Variants in VIPAS39 observed in about 807,000 individuals in gnomAD.
VIPAS39 encodes the protein spermatogenesis-defective protein 39 homolog.
Under a neutral mutation model 84.7 loss-of-function variants are expected in VIPAS39, and 63 were observed. The observed-to-expected ratio is 0.74, with a 90% CI of 0.61 to 0.92. The LOEUF is 0.92. VIPAS39 is among the 40% of genes least tolerant of loss of function. The probability of loss-of-function intolerance (pLI) is 0.00; values close to 1 mark genes in which losing one functional copy is unlikely to be tolerated. For synonymous variants in VIPAS39, 192 were observed against 216.5 expected (o/e 0.89, Z 0.99); for missense variants, 499 against 604.5 (o/e 0.83, Z 1.83).
At chr14:77,453,152 G>A in intron 3 of VIPAS39, 147 bp downstream of exon 3, 1 of 868,586 alleles carries the variant, frequency 1.2e-6, no homozygotes, top group South Asian at 1.3e-5. Context: ...TCTTCTCCTG[G>A]AGTTAAGTTT....
At chr14:77,439,836 A>G (rs1464823123) in intron 11 of VIPAS39, among the ~76,000 whole-genome samples, 1 of 152,212 alleles carries the variant, frequency 6.6e-6, no homozygotes, top group African/African-American at 2.4e-5. Flanking sequence ...AAAGGTTAAC[A>G]ATATTTAATG....
Position 77,427,653 on chromosome 14 carries a change from C to T in VIPAS39, c.1462-17G>A. ...TCGAATTTGCTGTGGAAAGAGGAAA[C>T]AATGAAAGTGTGTGATCAGTTTTCA... On this transcript the variant is annotated splice_polypyrimidine_tract_variant and intron_variant, in intron 19 of 19. Coordinates refer to ENST00000557658, the MANE Select transcript of VIPAS39 (RefSeq NM_001193315.2). The T allele has an allele frequency of 1.2e-6, 2 of 1,614,106 alleles. No individual in the cohort carries two copies. The highest frequency in any genetic ancestry group is 1.3e-5 in the African/African-American group (1 of 75,006).
chr14:77,427,618 A>G lies in VIPAS39; in HGVS notation c.1480T>C (p.Ter494GlnextTer52). 6.2e-7 allele frequency: 1 copy of G among 1,614,206 alleles called. No homozygotes were observed. The highest frequency in any genetic ancestry group is 1.6e-4 in the Middle Eastern group (1 of 6,062). Residue 494 changes from the stop codon to glutamine, a stop_lost, in exon 20 of 20, where the codon TAA (stop) becomes CAA (glutamine). Transcript: ENST00000557658. ...GGCTTCAAGGTAGTCAATGCCACTT[A>G]ATTCTTCCATCGAATTTGCTGTGGA... ...LSSSQIRWKN[*>Q]
At chr14:77,445,003 G>A (rs1285074319) in intron 7 of VIPAS39, among the ~76,000 whole-genome samples, 1 of 150,684 alleles carries the variant, frequency 6.6e-6, no homozygotes, top group Non-Finnish European at 1.5e-5. Context: ...CTGTCGCCCA[G>A]GTTGGAGTGC....
At chr14:77,451,060 G>T in intron 4 of VIPAS39, 127 bp downstream of exon 4, 1 of 1,397,154 alleles carries the variant, frequency 7.2e-7, no homozygotes, top group Non-Finnish European at 1.0e-6. Flanking sequence ...ACACCCAGCT[G>T]CCACCTCCAA....
rs1278402419 is a variant in VIPAS39 at position 77,429,030 on chromosome 14, G to A, written c.1332C>T (p.Phe444=). The change falls in exon 18 of 20, where the codon TTC becomes TTT. Residue 444 remains phenylalanine, a synonymous_variant. Transcript: ENST00000557658. ...CATCAATGACGACATCATGGCACTT[G>A]AACTTAGTGGCTAAGTTCAACTTCG... ...VDTKLNLATK[F]KCHDVVIDTY... 6.2e-7 allele frequency: 1 copy of A among 1,613,882 alleles called. No homozygotes were observed. The highest frequency in any genetic ancestry group is 1.1e-5 in the South Asian group (1 of 91,040).
At chr14:77,427,724 A>G (rs2078452187) in intron 19 of VIPAS39, 88 bp from the exon 20 acceptor site, 4 of 1,544,058 alleles carry the variant, frequency 2.6e-6, no homozygotes, top group South Asian at 1.1e-5. Flanking sequence ...AACAAGGCTC[A>G]GCTAGATAAT....
intron 14 of VIPAS39, 76 bp from the exon 15 acceptor site, chr14:77,434,379 C>T: frequency 7.4e-7 from 1 of 1,359,436 alleles, no homozygotes; most frequent in Middle Eastern, 1.8e-4. Context: ...TTTTCTTTCC[C>T]ACTACAGAGA....
At position 77,457,530 on chromosome 14, in the gene VIPAS39, C is replaced by A. The variant is rs891032694; in HGVS notation, c.-36G>T. ...CAGAGCCCTCCCTCTCAGGACAGCG[C>A]CAGCCTCCGCCGCCGCTGGACCAGC... is the stretch of plus-strand genomic sequence containing the variant. On this transcript the variant is annotated 5_prime_UTR_variant, in exon 1 of 20. Coordinates refer to ENST00000557658, the MANE Select transcript of VIPAS39 (RefSeq NM_001193315.2). 5.1e-6 allele frequency: 4 copies of A among 777,798 alleles called. No individual in the cohort carries two copies. Among genetic ancestry groups the A allele is most frequent in the African/African-American group, 3.5e-5 (2 of 57,586 alleles). The allele number at this position is 777,798 out of a possible 1,614,324, so 48.2% of individuals were successfully genotyped here.
intron 12 of VIPAS39, among the ~76,000 whole-genome samples, chr14:77,436,405 A>G (rs28602758): frequency 0.17 from 25,847 of 152,152 alleles, 2,474 homozygotes; most frequent in Middle Eastern, 0.28. Flanking sequence ...AAATATCACA[A>G]ATGTCAAGGG....
intron 14 of VIPAS39, 161 bp downstream of exon 14, chr14:77,435,098 A>G (rs2078586131): frequency 4.6e-6 from 5 of 1,089,550 alleles, no homozygotes; most frequent in Non-Finnish European, 6.9e-6. Flanking sequence ...TCCTGGCCAG[A>G]TGAGGCCCTC....
chr14:77,453,623 G>C (rs761479816), intron 2 of VIPAS39, among the ~76,000 whole-genome samples: 1 of 152,124 alleles, frequency 6.6e-6, no homozygotes, highest in African/African-American at 2.4e-5. Flanking sequence ...AGTCACTTTT[G>C]AATTCTCATC....
chr14:77,436,052 C>G (rs1394495026), intron 12 of VIPAS39, 133 bp from the exon 13 acceptor site: 7 of 868,086 alleles, frequency 8.1e-6, no homozygotes, highest in Non-Finnish European at 1.2e-5. Flanking sequence ...ACCTTTAGAG[C>G]GTCCCTTAAA....
At position 77,435,895 on chromosome 14, in the gene VIPAS39, G is replaced by A. The variant is rs148698913; in HGVS notation, c.861C>T (p.Ser287=). ...GCGTGTAATGGTCCTGTATGTGTGC[G>A]GAATCTTCTGCTGAAAATGGCAAAC... is the stretch of plus-strand genomic sequence containing the variant. ...CVGLPFSAED[S]AHIQDHYTLL... is the part of the protein sequence containing the mutation. The change falls in exon 13 of 20, where the codon TCC becomes TCT. Residue 287 remains serine, a synonymous_variant. Coordinates refer to ENST00000557658, the MANE Select transcript of VIPAS39 (RefSeq NM_001193315.2). 5.0e-3 allele frequency: 8,099 copies of A among 1,614,080 alleles called. 123 individuals are homozygous for A. Among genetic ancestry groups the A allele is most frequent in the South Asian group, 0.035 (3,205 of 91,076 alleles).
At chr14:77,434,207 C>T in intron 15 of VIPAS39, 55 bp downstream of exon 15, 1 of 1,537,018 alleles carries the variant, frequency 6.5e-7, no homozygotes, top group Non-Finnish European at 9.0e-7. Flanking sequence ...GCAACATCCA[C>T]TCCATGTAGT....
Position 77,451,083 on chromosome 14 carries a change from A to C in VIPAS39, c.343+104T>G. 3 of 1,548,724 alleles carry C rather than the reference A, an allele frequency of 1.9e-6. No individual in the cohort carries two copies. In the East Asian group the frequency reaches 6.7e-5, roughly 35 times the overall value. On this transcript the variant is annotated intron_variant, in intron 4 of 19. Transcript: ENST00000557658. Reference sequence around the variant, plus strand: ...CTGCCACCTCCAATGAGAATGCTTTACCCTTCAATAATCTTTTTCTTACAA... The same window carrying C: ...CTGCCACCTCCAATGAGAATGCTTTCCCCTTCAATAATCTTTTTCTTACAA...
At chr14:77,452,643 G>A (rs2078899456) in intron 3 of VIPAS39, among the ~76,000 whole-genome samples, 1 of 151,946 alleles carries the variant, frequency 6.6e-6, no homozygotes, top group Admixed American at 6.6e-5. Flanking sequence ...AGCCAGGCAT[G>A]GTGGTTGGCA....
At chr14:77,429,591 CA>C (rs2078487515) in intron 17 of VIPAS39, 89 bp downstream of exon 17, 1 of 1,311,632 alleles carries the variant, frequency 7.6e-7, no homozygotes, top group Admixed American at 1.7e-5. Flanking sequence ...AAAACAAGAG[CA>C]GATCGGGTCT....
At chr14:77,446,027 G>A (rs2078783787) in intron 7 of VIPAS39, among the ~76,000 whole-genome samples, 1 of 151,386 alleles carries the variant, frequency 6.6e-6, no homozygotes, top group Admixed American at 6.6e-5. Flanking sequence ...CTGAGCTATG[G>A]TGGTCCTTTC....
Sources: gnomAD v4.1 joint callset for allele counts (sites outside exome capture counted in the v4.1 genomes callset) on GRCh38, gnomAD v4.1.1 for gene constraint, MANE v1.5 for transcripts, NCBI Gene and HGNC (gene_info 2026-07-23, HGNC 2026-07-21) for gene names.